Variants in SULF1 observed in about 807,000 individuals in gnomAD.
SULF1 encodes the protein extracellular sulfatase Sulf-1.
SULF1 carries 46 observed loss-of-function variants against 110.5 expected under a neutral mutation model. The observed-to-expected ratio is 0.42, with a 90% CI of 0.33 to 0.53. The LOEUF (loss-of-function observed/expected upper bound fraction) is 0.53, where lower values mean the gene tolerates loss of function less well. Among genes scored for constraint, SULF1 ranks in the 20% least tolerant of loss-of-function variants. The pLI, the probability that SULF1 is intolerant of heterozygous loss-of-function variation, is 0.12. For missense variants in SULF1, 941 were observed against 1,094.2 expected (o/e 0.86, Z 1.98); for synonymous variants, 371 against 387.1 (o/e 0.96, Z 0.49).
chr8:69,658,520 T>C lies in SULF1; in HGVS notation c.2601T>C (p.Asp867=), dbSNP rs780894348. The C allele has an allele frequency of 8.1e-6, 13 of 1,606,792 alleles. No individual in the cohort carries two copies. Among genetic ancestry groups the C allele is most frequent in the Non-Finnish European group, 1.1e-5 (13 of 1,176,134 alleles). The change falls in exon 23 of 23, where the codon GAT becomes GAC. Residue 867 remains aspartate (D), a synonymous_variant. Coordinates refer to ENST00000402687, the MANE Select transcript of SULF1 (RefSeq NM_001128205.2). ...SYDLHRGQLW[D]GWEG Reference sequence around the variant, plus strand: ...CTTTTCACAGAGGACAGTTATGGGATGGATGGGAAGGTTAATCAGCCCCGT... The same window carrying C: ...CTTTTCACAGAGGACAGTTATGGGACGGATGGGAAGGTTAATCAGCCCCGT...
rs1274000804 is a variant in SULF1, at chr8:69,526,611, AAAAG to A, written c.-134+24663_-134+24666del. Among the ~76,000 whole-genome samples, 14 of 135,986 alleles carry A rather than the reference AAAAG, an allele frequency of 1.0e-4. 1 individual carries two copies. In the South Asian group the frequency reaches 1.2e-3, roughly 11 times the overall value. 89.2% of individuals were successfully genotyped at this position (135,986 alleles called of 152,430 possible). A position where few individuals can be genotyped will look rare whatever the true frequency, so the allele number is the denominator to read the frequency against. On this transcript the variant is annotated intron_variant, in intron 3 of 22. Coordinates refer to ENST00000402687, the MANE Select transcript of SULF1 (RefSeq NM_001128205.2). ...ACAGTATCTCTACCAAAAAAAAAAA[AAAAG>A]AAAGAAAGAAAGAAAGAAAAGAAAA... is the stretch of plus-strand genomic sequence containing the variant.
At chr8:69,643,896 G>A (rs907894325) in intron 22 of SULF1, among the ~76,000 whole-genome samples, 1 of 152,190 alleles carries the variant, frequency 6.6e-6, no homozygotes, top group Non-Finnish European at 1.5e-5. Flanking sequence ...AAAATCAACA[G>A]GTTGTTGGGG....
intron 1 of SULF1, among the ~76,000 whole-genome samples, chr8:69,486,552 G>A (rs1275052850): frequency 6.6e-6 from 1 of 152,120 alleles, no homozygotes; most frequent in East Asian, 1.9e-4. Flanking sequence ...GTTTACTAGA[G>A]TTTTTGGTAA....
rs1180276783 is a variant in SULF1 at position 69,621,041 on chromosome 8, C to A, written c.1384C>A (p.Gln462Lys). The stretch of plus-strand genomic sequence containing the variant: ...TTCACGTTGGCTTTTGCAGAAGTGG[C>A]AATGCATTGAGGATACATCTGGCAA... ...TACEQPGQKW[Q>K]CIEDTSGKLR... The change falls in exon 14 of 23, where the codon CAA (glutamine) becomes AAA (lysine). Residue 462 changes from glutamine (Q) to lysine (K), a missense_variant. Physicochemically the swap from Gln to Lys is moderately conservative, Grantham distance 53 (BLOSUM62 1). Around this residue, in one of 3 missense-constraint regions of SULF1, gnomAD observed 822 missense variants for 934.3 expected, o/e 0.88. Transcript: ENST00000402687. 7 of 1,599,212 alleles carry A rather than the reference C, an allele frequency of 4.4e-6. No individual in the cohort carries two copies. The highest frequency in any genetic ancestry group is 6.0e-6 in the Non-Finnish European group (7 of 1,168,592).
intron 8 of SULF1, chr8:69,597,694 C>T (rs564202916): frequency 1.3e-5 from 2 of 152,162 alleles, no homozygotes; most frequent in African/African-American, 4.8e-5. Flanking sequence ...ATTTCAGTTC[C>T]CTATTGTAAT....
chr8:69,541,358 G>A (rs1813844133), intron 3 of SULF1, among the ~76,000 whole-genome samples: 1 of 152,218 alleles, frequency 6.6e-6, no homozygotes, highest in Admixed American at 6.5e-5. Context: ...GCCTGCCAGT[G>A]TCGCTGAAGG....
upstream of SULF1, among the ~76,000 whole-genome samples, chr8:69,490,573 G>T (rs962891329): frequency 1.3e-5 from 2 of 152,010 alleles, no homozygotes; most frequent in East Asian, 3.8e-4. Flanking sequence ...CCTCACATTC[G>T]TCCCCTTCCC....
chr8:69,548,656 T>A (rs1814465159), intron 3 of SULF1, among the ~76,000 whole-genome samples: 1 of 148,724 alleles, frequency 6.7e-6, no homozygotes, highest in Admixed American at 6.7e-5. Flanking sequence ...AGACAGGGTT[T>A]CACCATGTTG....
At chr8:69,546,663 A>C (rs903108888) in intron 3 of SULF1, among the ~76,000 whole-genome samples, 3 of 152,222 alleles carry the variant, frequency 2.0e-5, no homozygotes, top group Admixed American at 6.5e-5. Flanking sequence ...TTAAATTATT[A>C]ATCCTTGAGT....
At chr8:69,565,881 T>C (rs1815841800) in intron 5 of SULF1, among the ~76,000 whole-genome samples, 1 of 152,114 alleles carries the variant, frequency 6.6e-6, no homozygotes, top group Non-Finnish European at 1.5e-5. Flanking sequence ...GTCTGGTGGC[T>C]TCACCCCCCT....
At chr8:69,572,972 C>T (rs1043319571) in intron 5 of SULF1, among the ~76,000 whole-genome samples, 2 of 152,176 alleles carry the variant, frequency 1.3e-5, no homozygotes, top group South Asian at 2.1e-4. Context: ...GGTCTACAGG[C>T]GCATGCCATC....
intron 22 of SULF1, among the ~76,000 whole-genome samples, chr8:69,654,379 C>T (rs1812563825): frequency 6.6e-6 from 1 of 152,204 alleles, no homozygotes; most frequent in South Asian, 2.1e-4. Flanking sequence ...ACCTCTTGCT[C>T]AGTCTGCTCC....
chr8:69,659,569 G>A lies in SULF1; in HGVS notation c.*1034G>A, dbSNP rs1048312319. 2 of 250,206 alleles carry A rather than the reference G, an allele frequency of 8.0e-6. No homozygotes were observed. The highest frequency in any genetic ancestry group is 2.3e-5 in the African/African-American group (1 of 44,110). 15.5% of individuals were successfully genotyped at this position (250,206 alleles called of 1,614,324 possible). Reference sequence around the variant, plus strand: ...CTTGGTTTTGATTTTTTGCTTGTTTGTTTGTTTTGTACTAAAACAGTATTA... The same window carrying A: ...CTTGGTTTTGATTTTTTGCTTGTTTATTTGTTTTGTACTAAAACAGTATTA... On this transcript the variant is annotated 3_prime_UTR_variant, in exon 23 of 23. Transcript: ENST00000402687.
In SULF1 at chr8:69,629,624, C is replaced by A; in HGVS notation, c.2229C>A (p.Gly743=). 2 of 1,613,478 alleles carry A rather than the reference C, an allele frequency of 1.2e-6. No homozygotes were observed. Among genetic ancestry groups the A allele is most frequent in the Admixed American group, 3.3e-5 (2 of 59,950 alleles). Reference sequence around the variant, plus strand: ...AGGGGGAAGAGTGCAGCCTGCCTGGCCTCACTTGCTTCACGCATGACAACA... The same window carrying A: ...AGGGGGAAGAGTGCAGCCTGCCTGGACTCACTTGCTTCACGCATGACAACA... ...QRKGEECSLP[G]LTCFTHDNNH... is the part of the protein sequence containing the mutation. The change falls in exon 19 of 23, where the codon GGC becomes GGA. Residue 743 remains glycine, a synonymous_variant. Transcript: ENST00000402687.
chr8:69,617,763 G>A (rs1453556708), intron 13 of SULF1, among the ~76,000 whole-genome samples: 1 of 152,030 alleles, frequency 6.6e-6, no homozygotes, highest in African/African-American at 2.4e-5. Context: ...ACTAACTGTG[G>A]AGACAGCACA....
At chr8:69,600,877 AAGAG>A (rs565702556) in intron 9 of SULF1, 124 bp downstream of exon 9, 11 of 1,120,476 alleles carry the variant, frequency 9.8e-6, no homozygotes, top group Non-Finnish European at 1.3e-5. Flanking sequence ...GAGAGAAAGA[AAGAG>A]AGAGAGTATG....
chr8:69,491,694 A>G (rs1449502200), upstream of SULF1, among the ~76,000 whole-genome samples: 1 of 152,204 alleles, frequency 6.6e-6, no homozygotes, highest in African/African-American at 2.4e-5. Context: ...GCTCTCACCT[A>G]TGCCCATATA....
intron 3 of SULF1, among the ~76,000 whole-genome samples, chr8:69,520,112 TACACACACACACACACAC>T (rs34036903): frequency 3.6e-5 from 5 of 137,136 alleles, no homozygotes; most frequent in East Asian, 4.3e-4. Context: ...AAATTCCAGT[TACACACACACACACACAC>T]ACACACACAC....
At chr8:69,599,093 A>G (rs1227439568) in intron 8 of SULF1, among the ~76,000 whole-genome samples, 1 of 152,248 alleles carries the variant, frequency 6.6e-6, no homozygotes, top group Non-Finnish European at 1.5e-5. Context: ...CAGAAACTCC[A>G]GGCTTTCCCC....
Sources: gnomAD v4.1 joint callset for allele counts (sites outside exome capture counted in the v4.1 genomes callset) on GRCh38, gnomAD v4.1.1 for gene constraint, gnomAD v4.1.1 regional missense constraint, MANE v1.5 for transcripts, NCBI Gene and HGNC (gene_info 2026-07-23, HGNC 2026-07-21) for gene names.